NPC1L1: variants seen among roughly 807,000 people sequenced by gnomAD.
The protein encoded by NPC1L1 is NPC1 like intracellular cholesterol transporter 1, also known as NPC1-like intracellular cholesterol transporter 1.
A neutral mutation model predicts 117.0 loss-of-function variants in NPC1L1; 98 were observed. That is an observed-to-expected ratio of 0.84 (90% CI 0.71 to 0.99). The LOEUF is 0.99. Ranked by LOEUF, NPC1L1 falls within the 50% of genes least tolerant of loss-of-function variation. NPC1L1 has a pLI of 0.00. For synonymous variants in NPC1L1, 729 were observed against 727.6 expected (o/e 1.00, Z -0.03); for missense variants, 1,540 against 1,710.0 (o/e 0.90, Z 1.75).
intron 8 of NPC1L1, among the ~76,000 whole-genome samples, chr7:44,532,965 G>A (rs558093731): frequency 7.2e-5 from 11 of 152,280 alleles, no homozygotes; most frequent in South Asian, 4.1e-4. Context: ...TTAGCCAGGC[G>A]TGCAGGAGGA....
chr7:44,533,786 GGA>G lies in NPC1L1; in HGVS notation c.2232_2233del (p.Pro745GlnfsTer9). The stretch of plus-strand genomic sequence containing the variant: ...AGAGAGGCTGCACAACAGCATGCTG[GGA>G]GCCACCCTGCCTAGGGCTCGCCCAA... On this transcript the variant is annotated frameshift_variant, in exon 7 of 19. Transcript: ENST00000381160. LOFTEE classifies it high-confidence loss of function. 6.2e-7 allele frequency: 1 copy of G among 1,614,060 alleles called. No individual in the cohort carries two copies.
rs143082401 is a variant in NPC1L1 at position 44,536,388 on chromosome 7, G to A, written c.1722C>T (p.Phe574=). The A allele has an allele frequency of 1.0e-4, 165 of 1,613,998 alleles. 1 individual carries two copies. The African/African-American group carries it at 2.1e-3, about 21-fold the overall frequency. The change falls in exon 4 of 19, where the codon TTC becomes TTT. Residue 574 remains phenylalanine, a synonymous_variant. Coordinates refer to ENST00000381160, the MANE Select transcript of NPC1L1 (RefSeq NM_001101648.2). The surrounding 1 kb of genome is among the most constrained non-coding windows in gnomAD (Gnocchi z 4.7). Reference sequence around the variant, plus strand: ...CCCCGGCAGGGTAATTGTTGAGGGAGAACGTCATGATCAGGGCCTCTGCCT... The same window carrying A: ...CCCCGGCAGGGTAATTGTTGAGGGAAAACGTCATGATCAGGGCCTCTGCCT... ...YSEAEALIMT[F]SLNNYPAGDP...
chr7:44,514,427 G>T (rs1222630606), intron 18 of NPC1L1, among the ~76,000 whole-genome samples: 1 of 152,204 alleles, frequency 6.6e-6, no homozygotes, highest in Non-Finnish European at 1.5e-5. Flanking sequence ...CTGCACTTTG[G>T]GAGGCCAAGG....
Position 44,536,123 on chromosome 7 carries a change from A to C in NPC1L1, c.1854+133T>G. 6.5e-7 allele frequency: 1 copy of C among 1,539,854 alleles called. No homozygotes were observed. Among genetic ancestry groups the C allele is most frequent in the Non-Finnish European group, 9.0e-7 (1 of 1,116,274 alleles). ...GTGAGGCTATAAGAACAGCCATCACAATCACCCCGTTCTGAGCAGGCAGCC... is the reference window on the plus strand; with the variant it reads ...GTGAGGCTATAAGAACAGCCATCACCATCACCCCGTTCTGAGCAGGCAGCC... On this transcript the variant is annotated intron_variant, in intron 4 of 18. Transcript: ENST00000381160. The surrounding 1 kb of genome is among the most constrained non-coding windows in gnomAD (Gnocchi z 4.7).
intron 10 of NPC1L1, among the ~76,000 whole-genome samples, chr7:44,523,394 C>T (rs1801418569): frequency 6.6e-6 from 1 of 152,118 alleles, no homozygotes; most frequent in Admixed American, 6.6e-5. Flanking sequence ...CTATTGAGGG[C>T]TGGAAGCTTC....
Position 44,539,978 on chromosome 7 carries a change from G to T in NPC1L1, c.419C>A (p.Thr140Asn). The stretch of plus-strand genomic sequence containing the variant: ...TCCAGCCCCTAGCTGGGCCACGCGG[G>T]TCACATTGATGAAGAGGCTCTGATT... ...SPNQSLFINV[T>N]RVAQLGAGQL... Residue 140 changes from threonine to asparagine, a missense_variant, in exon 2 of 19, where the codon ACC (threonine) becomes AAC (asparagine). Thr to Asn is a moderately conservative substitution (Grantham distance 65, BLOSUM62 0). Around this residue, in one of 3 missense-constraint regions of NPC1L1, gnomAD observed 793 missense variants for 820.4 expected, o/e 0.97. Coordinates refer to ENST00000381160, the MANE Select transcript of NPC1L1 (RefSeq NM_001101648.2). This position sits in a 1 kb window ranked among gnomAD's most constrained non-coding sequence, Gnocchi z 4.4. 1.2e-6 allele frequency: 2 copies of T among 1,614,248 alleles called. No homozygotes were observed. The highest frequency in any genetic ancestry group is 1.7e-6 in the Non-Finnish European group (2 of 1,180,042).
chr7:44,513,116 G>A lies in NPC1L1; in HGVS notation c.*331C>T, dbSNP rs1801086474. 1.2e-5 allele frequency: 5 copies of A among 400,468 alleles called. No individual in the cohort carries two copies. The highest frequency in any genetic ancestry group is 9.0e-5 in the South Asian group (4 of 44,220). The allele number at this position is 400,468 out of a possible 1,614,324, so 24.8% of individuals were successfully genotyped here. ...GAGAGGAACTGAGAAGGGAAAAGTT[G>A]GATGAGAAGTGGGCTCCTAGGAAAG... On this transcript the variant is annotated 3_prime_UTR_variant, in exon 19 of 19. Coordinates refer to ENST00000381160, the MANE Select transcript of NPC1L1 (RefSeq NM_001101648.2).
chr7:44,522,049 C>A lies in NPC1L1; in HGVS notation c.2828+3G>T. ...TGGGGTTTGGGGCGGGCCAGGAACT[C>A]ACTGCTCAGGGAACTCTGTGGCATA... On this transcript the variant is annotated splice_donor_region_variant and intron_variant, in intron 11 of 18. Coordinates refer to ENST00000381160, the MANE Select transcript of NPC1L1 (RefSeq NM_001101648.2). 6.2e-7 allele frequency: 1 copy of A among 1,613,666 alleles called. No homozygotes were observed. The highest frequency in any genetic ancestry group is 1.1e-5 in the South Asian group (1 of 90,984).
intron 7 of NPC1L1, 59 bp downstream of exon 7, chr7:44,533,680 G>C (rs1221007690): frequency 9.3e-6 from 15 of 1,607,438 alleles, no homozygotes; most frequent in Non-Finnish European, 1.3e-5. Flanking sequence ...GGAACTCCTA[G>C]GCCCCGGCAC....
chr7:44,528,794 C>G (rs1382608892), intron 10 of NPC1L1, among the ~76,000 whole-genome samples: 2 of 152,118 alleles, frequency 1.3e-5, no homozygotes, highest in African/African-American at 4.8e-5. Flanking sequence ...TAGGACCAGG[C>G]ATGGTGGCTC....
At position 44,539,679 on chromosome 7, in the gene NPC1L1, C is replaced by A; in HGVS notation, c.718G>T (p.Val240Phe). ...GSGIQPLNEG[V>F]ARCNESQGDD... Reference sequence around the variant, plus strand: ...CCTTGGGACTCATTGCAACGTGCAACCCCCTCATTCAGAGGCTGAATCCCA... The same window carrying A: ...CCTTGGGACTCATTGCAACGTGCAAACCCCTCATTCAGAGGCTGAATCCCA... Residue 240 changes from valine (V) to phenylalanine (F), a missense_variant, in exon 2 of 19, where the codon GTT (valine) becomes TTT (phenylalanine). Val to Phe is a conservative substitution (Grantham distance 50, BLOSUM62 -1). Coordinates refer to ENST00000381160, the MANE Select transcript of NPC1L1 (RefSeq NM_001101648.2). The surrounding 1 kb of genome is among the most constrained non-coding windows in gnomAD (Gnocchi z 4.4). 1.9e-6 allele frequency: 3 copies of A among 1,614,010 alleles called. No individual in the cohort carries two copies. Among genetic ancestry groups the A allele is most frequent in the Non-Finnish European group, 2.5e-6 (3 of 1,180,020 alleles).
At chr7:44,520,877 A>C (rs1198105042) in intron 13 of NPC1L1, 57 bp from the exon 14 acceptor site, 2 of 1,612,498 alleles carry the variant, frequency 1.2e-6, no homozygotes, top group East Asian at 4.5e-5. Flanking sequence ...TCATCTGCCC[A>C]GCCCACAGCC....
chr7:44,528,978 G>A (rs951478253), intron 10 of NPC1L1, among the ~76,000 whole-genome samples: 2 of 151,968 alleles, frequency 1.3e-5, no homozygotes, highest in African/African-American at 4.8e-5. Context: ...GGCTGAGGCA[G>A]GAGAATTGCT....
chr7:44,519,813 T>TTC (rs1337139676), intron 14 of NPC1L1, among the ~76,000 whole-genome samples: 4 of 145,896 alleles, frequency 2.7e-5, no homozygotes, highest in African/African-American at 1.0e-4. Context: ...TTTTTCTTTC[T>TTC]TTTTTTTTTT....
intron 14 of NPC1L1, among the ~76,000 whole-genome samples, chr7:44,519,522 T>G (rs1048000601): frequency 1.3e-5 from 2 of 151,992 alleles, no homozygotes; most frequent in Admixed American, 1.3e-4. Context: ...GCTGGAAGGG[T>G]GGGGTGAGCG....
In NPC1L1 at chr7:44,517,277, C is replaced by T; in HGVS notation, c.3217G>A (p.Ala1073Thr). ...TEALRAAREL[A>T]ANITADLRKV... ...CGCAGGTCAGCAGTGATGTTGGCTG[C>T]CAGCTCTCGAGCTGCCCGCAGAGCT... The change falls in exon 15 of 19, where the codon GCA becomes ACA. Residue 1073 changes from alanine (A) to threonine (T), a missense_variant. By Grantham distance (58) the Ala-to-Thr change is moderately conservative. Transcript: ENST00000381160. 1 of 1,614,182 alleles carries T rather than the reference C, an allele frequency of 6.2e-7. No individual in the cohort carries two copies. The highest frequency in any genetic ancestry group is 1.1e-5 in the South Asian group (1 of 91,090).
At chr7:44,531,880 C>A (rs767008207) in intron 9 of NPC1L1, 36 bp from the exon 10 acceptor site, 1 of 1,549,954 alleles carries the variant, frequency 6.5e-7, no homozygotes, top group East Asian at 2.4e-5. Context: ...CCACCCTGCC[C>A]AACAGCCGTC....
intron 14 of NPC1L1, among the ~76,000 whole-genome samples, chr7:44,519,064 C>G (rs1272844156): frequency 6.9e-6 from 1 of 143,958 alleles, no homozygotes; most frequent in Non-Finnish European, 1.5e-5. Context: ...CTTCTCTCTT[C>G]TTTTCTTTCA....
At position 44,516,140 on chromosome 7, in the gene NPC1L1, T is replaced by G. The variant is rs140350540; in HGVS notation, c.3577A>C (p.Thr1193Pro). ...SHITRSFAIS[T>P]KPTWLERAKE... Reference sequence around the variant, plus strand: ...GCCCTCTCCAGCCAGGTGGGCTTGGTGCTGATGGCAAAGGAGCGGGTAATG... The same window carrying G: ...GCCCTCTCCAGCCAGGTGGGCTTGGGGCTGATGGCAAAGGAGCGGGTAATG... Residue 1193 changes from threonine to proline, a missense_variant, in exon 17 of 19, where the codon ACC becomes CCC. This residue lies in a region of NPC1L1 where 742 missense variants were observed against 873.6 expected (regional missense o/e 0.85). Transcript: ENST00000381160. The G allele has an allele frequency of 1.2e-5, 20 of 1,612,930 alleles. No homozygotes were observed. The highest frequency in any genetic ancestry group is 1.7e-5 in the Non-Finnish European group (20 of 1,179,546).
Sources: gnomAD v4.1 joint callset for allele counts (sites outside exome capture counted in the v4.1 genomes callset) on GRCh38, gnomAD v4.1.1 for gene constraint, gnomAD v4.1.1 regional missense constraint, Gnocchi (gnomAD v3.1) non-coding constraint, MANE v1.5 for transcripts, NCBI Gene and HGNC (gene_info 2026-07-23, HGNC 2026-07-21) for gene names.